The following ADARB2 variants were observed in gnomAD, a reference collection of about 807,000 sequenced individuals.
ADARB2 encodes the protein adenosine deaminase RNA specific B2 (inactive).
Under a neutral mutation model 62.2 loss-of-function variants are expected in ADARB2, and 25 were observed. The observed-to-expected ratio is 0.40, with a 90% confidence interval of 0.29 to 0.56. The LOEUF (loss-of-function observed/expected upper bound fraction) is 0.56. Among genes scored for constraint, ADARB2 ranks in the 20% least tolerant of loss-of-function variants. The pLI is 0.43. For synonymous variants in ADARB2, 572 were observed against 500.8 expected, an observed-to-expected ratio of 1.14 and a Z score of -1.90; for missense variants, 1,071 against 1,077.4, an observed-to-expected ratio of 0.99 and a Z score of 0.08.
intron 3 of ADARB2, among the ~76,000 whole-genome samples, chr10:1,335,738 C>CT (rs1366922482): frequency 6.6e-6 from 1 of 152,188 alleles, no homozygotes; most frequent in Non-Finnish European, 1.5e-5. Context: ...AGGAAATACT[C>CT]TGTCACTTTT....
At chr10:1,719,013 T>A (rs1588365638) in intron 1 of ADARB2, among the ~76,000 whole-genome samples, 1 of 152,112 alleles carries the variant, frequency 6.6e-6, no homozygotes, top group African/African-American at 2.4e-5. Context: ...ACGGCTGGAG[T>A]GCAGTGGCGT....
intron 1 of ADARB2, among the ~76,000 whole-genome samples, chr10:1,605,535 T>C (rs1346876249): frequency 2.0e-5 from 3 of 152,254 alleles, no homozygotes; most frequent in Non-Finnish European, 2.9e-5. Flanking sequence ...CTTGCACTTA[T>C]AATTCTACTT....
intron 1 of ADARB2, among the ~76,000 whole-genome samples, chr10:1,399,686 G>T (rs998939256): frequency 6.6e-6 from 1 of 152,196 alleles, no homozygotes; most frequent in African/African-American, 2.4e-5. Context: ...TCTTTCCTAC[G>T]TTCAGGGTTT....
rs536432215 is a variant in ADARB2 at position 1,325,283 on chromosome 10, G to A, written c.1077+37745C>T. Among the ~76,000 whole-genome samples, 199 of 152,242 alleles carry A rather than the reference G, an allele frequency of 1.3e-3. 2 individuals are homozygous for A. The Middle Eastern group carries it at 0.024, about 18-fold the overall frequency. ...GCTGGGGCCATGACAACTTCATGCC[G>A]CACCTCTCTTCACCTCTTCATGAGG... On this transcript the variant is annotated intron_variant, in intron 3 of 9. Transcript: ENST00000381312.
At chr10:1,297,254 T>C (rs1831531276) in intron 3 of ADARB2, among the ~76,000 whole-genome samples, 1 of 152,064 alleles carries the variant, frequency 6.6e-6, no homozygotes, top group Non-Finnish European at 1.5e-5. Context: ...CCCGTCGGCC[T>C]TGGGTATGGA....
intron 8 of ADARB2, among the ~76,000 whole-genome samples, chr10:1,191,397 A>G (rs1836843954): frequency 6.6e-6 from 1 of 152,116 alleles, no homozygotes; most frequent in African/African-American, 2.4e-5. Context: ...GGATTTGAAA[A>G]TCTGTGTAGG....
chr10:1,478,346 A>G (rs1319750274), intron 1 of ADARB2, among the ~76,000 whole-genome samples: 1 of 152,148 alleles, frequency 6.6e-6, no homozygotes, highest in Non-Finnish European at 1.5e-5. Flanking sequence ...GGAGGTTTCC[A>G]TGGCTGGATA....
chr10:1,475,915 C>T (rs1831393852), intron 1 of ADARB2, among the ~76,000 whole-genome samples: 1 of 152,196 alleles, frequency 6.6e-6, no homozygotes, highest in Non-Finnish European at 1.5e-5. Context: ...TTCTTCACTA[C>T]AAAACACGAA....
chr10:1,425,031 T>C (rs1832883228), intron 1 of ADARB2, among the ~76,000 whole-genome samples: 1 of 152,234 alleles, frequency 6.6e-6, no homozygotes, highest in African/African-American at 2.4e-5. Flanking sequence ...GAGTCTCTTC[T>C]AACGCACGTC....
chr10:1,296,394 G>A (rs1831523410), intron 3 of ADARB2, among the ~76,000 whole-genome samples: 1 of 152,202 alleles, frequency 6.6e-6, no homozygotes, highest in African/African-American at 2.4e-5. Flanking sequence ...TAGAGATGCT[G>A]CTTAACCCCA....
Position 1,737,196 on chromosome 10 carries a change from C to T in ADARB2, c.-46G>A, listed in dbSNP as rs767170314. On this transcript the variant is annotated 5_prime_UTR_variant, in exon 1 of 10. Coordinates refer to ENST00000381312, the MANE Select transcript of ADARB2 (RefSeq NM_018702.4). The stretch of plus-strand genomic sequence containing the variant: ...GCCCAGAGCCGCCTCCCTCCTGCAC[C>T]TGCACCTGCCTCCTTCCCGGCAGCC... 6.3e-7 allele frequency: 1 copy of T among 1,579,210 alleles called. No homozygotes were observed. The highest frequency in any genetic ancestry group is 1.1e-5 in the South Asian group (1 of 90,428).
chr10:1,533,119 C>CTT (rs56227070), intron 1 of ADARB2, among the ~76,000 whole-genome samples: 2 of 143,806 alleles, frequency 1.4e-5, no homozygotes, highest in Non-Finnish European at 3.0e-5. Flanking sequence ...TAAACATCAC[C>CTT]TTTTTTTTTT....
chr10:1,545,969 T>C (rs1359179135), intron 1 of ADARB2, among the ~76,000 whole-genome samples: 1 of 151,870 alleles, frequency 6.6e-6, no homozygotes, highest in Non-Finnish European at 1.5e-5. Flanking sequence ...TTACATTTGC[T>C]TTATCTGAGT....
intron 1 of ADARB2, among the ~76,000 whole-genome samples, chr10:1,553,813 TAC>T (rs1832662996): frequency 6.6e-6 from 1 of 152,162 alleles, no homozygotes; most frequent in Non-Finnish European, 1.5e-5. Context: ...AATAACGAGC[TAC>T]AGAGGCCACA....
In ADARB2 at chr10:1,698,415, C is replaced by T. The variant is rs376533024; in HGVS notation, c.100+38636G>A. 3.0e-4 allele frequency among the ~76,000 whole-genome samples: 46 copies of T among 152,318 alleles called. 1 individual carries two copies. The East Asian group carries it at 7.5e-3, about 25-fold the overall frequency. The stretch of plus-strand genomic sequence containing the variant: ...GGGCTCTGCGACCTCCGATGTCATG[C>T]ACAGAGCATGGGGGAGAGACATACG... On this transcript the variant is annotated intron_variant, in intron 1 of 9. Coordinates refer to ENST00000381312, the MANE Select transcript of ADARB2 (RefSeq NM_018702.4).
intron 1 of ADARB2, among the ~76,000 whole-genome samples, chr10:1,498,331 C>T (rs1468586983): frequency 2.0e-5 from 3 of 152,026 alleles, no homozygotes; most frequent in Non-Finnish European, 4.4e-5. Context: ...GCCAAGATTA[C>T]ACCATTGCAC....
chr10:1,352,038 A>T (rs999838676), intron 3 of ADARB2, among the ~76,000 whole-genome samples: 4 of 151,508 alleles, frequency 2.6e-5, no homozygotes, highest in Non-Finnish European at 5.9e-5. Flanking sequence ...CTTCGCTTTC[A>T]CTTGGACTGA....
At position 1,542,801 on chromosome 10, in the gene ADARB2, G is replaced by A. The variant is rs1239654284; in HGVS notation, c.101-163641C>T. Among the ~76,000 whole-genome samples, 38 of 118,106 alleles carry A rather than the reference G, an allele frequency of 3.2e-4. 1 individual carries two copies. The highest frequency in any genetic ancestry group is 1.1e-3 in the African/African-American group (38 of 33,148). The allele number at this position is 118,106 out of a possible 152,430, so 77.5% of individuals were successfully genotyped here. A position where few individuals can be genotyped will look rare whatever the true frequency, so the allele number is the denominator to read the frequency against. Reference sequence around the variant, plus strand: ...GCAGTTCAGACCCTGGATCACAGCCGCCCAGACCCCACTCAGACGCAGTTC... The same window carrying A: ...GCAGTTCAGACCCTGGATCACAGCCACCCAGACCCCACTCAGACGCAGTTC... On this transcript the variant is annotated intron_variant, in intron 1 of 9. Transcript: ENST00000381312.
At chr10:1,308,972 C>G (rs1831658471) in intron 3 of ADARB2, among the ~76,000 whole-genome samples, 1 of 152,100 alleles carries the variant, frequency 6.6e-6, no homozygotes, top group East Asian at 1.9e-4. Flanking sequence ...CCATCAGATT[C>G]CTAAGATTTC....
Sources: allele counts gnomAD v4.1 joint callset (sites outside exome capture counted in the v4.1 genomes callset), GRCh38; gene constraint gnomAD v4.1.1; transcripts MANE v1.5; gene names NCBI Gene and HGNC (gene_info 2026-07-23, HGNC 2026-07-21).